The following RPH3AL variants were observed in gnomAD, a reference collection of about 807,000 sequenced individuals.
The protein encoded by RPH3AL is rab effector Noc2.
A neutral mutation model predicts 43.1 loss-of-function variants in RPH3AL; 38 were observed. The observed-to-expected ratio is 0.88, with a 90% CI of 0.68 to 1.15. The LOEUF (loss-of-function observed/expected upper bound fraction) is 1.15. Ranked by LOEUF, RPH3AL falls within the 50% of genes most tolerant of loss-of-function variation. RPH3AL has a pLI of 0.00. For missense variants in RPH3AL, 462 were observed against 423.2 expected (o/e 1.09, Z -0.81); for synonymous variants, 189 against 176.3 (o/e 1.07, Z -0.57).
intron 6 of RPH3AL, among the ~76,000 whole-genome samples, chr17:281,506 G>A (rs12949507): frequency 0.55 from 83,990 of 151,364 alleles, 25,662 homozygotes; most frequent in Non-Finnish European, 0.68. Context: ...CCGAAACCTC[G>A]GACTCTCCCA....
At position 215,657 on chromosome 17, in the gene RPH3AL, G is replaced by C. The variant is rs2040779576; in HGVS notation, c.873C>G (p.Ala291=). Residue 291 remains alanine (A), a synonymous_variant, in exon 9 of 10, where the codon GCC becomes GCG. Coordinates refer to ENST00000331302, the MANE Select transcript of RPH3AL (RefSeq NM_006987.4). The surrounding 1 kb of genome is among the most constrained non-coding windows in gnomAD (Gnocchi z 4.1). ...GGPRPGLTRR[A]PVKDTPGRAP... ...AAGGCAGCAGTTGGGTACTCACCGG[G>C]GCCCTTCGGGTCAGCCCGGGGCGGG... 11 of 1,278,920 alleles carry C rather than the reference G, an allele frequency of 8.6e-6. No homozygotes were observed. In the Admixed American group the frequency reaches 4.5e-4, roughly 52 times the overall value. The allele number at this position is 1,278,920 out of a possible 1,614,324, so 79.2% of individuals were successfully genotyped here.
At chr17:351,974 G>A (rs142520718) in intron 1 of RPH3AL, among the ~76,000 whole-genome samples, 11 of 152,304 alleles carry the variant, frequency 7.2e-5, no homozygotes, top group African/African-American at 2.2e-4. Flanking sequence ...TACAGGCCGT[G>A]CTTACATCCT....
At chr17:325,302 G>C (rs922634587) in intron 3 of RPH3AL, among the ~76,000 whole-genome samples, 1 of 152,100 alleles carries the variant, frequency 6.6e-6, no homozygotes, top group African/African-American at 2.4e-5. Context: ...ACATTATTAC[G>C]AGACAACATG....
intron 1 of RPH3AL, among the ~76,000 whole-genome samples, chr17:351,515 C>G (rs1273831601): frequency 6.6e-6 from 1 of 151,996 alleles, no homozygotes; most frequent in African/African-American, 2.4e-5. Context: ...AAGTACAGAC[C>G]CACCTCCCAT....
chr17:317,341 C>T (rs1250994359), intron 5 of RPH3AL, among the ~76,000 whole-genome samples: 2 of 151,402 alleles, frequency 1.3e-5, no homozygotes, highest in African/African-American at 4.9e-5. Context: ...CTCCATTGAC[C>T]TGAAGTCCCT....
At chr17:233,193 G>T (rs1221350861) in intron 7 of RPH3AL, among the ~76,000 whole-genome samples, 3 of 152,090 alleles carry the variant, frequency 2.0e-5, no homozygotes, top group African/African-American at 7.2e-5. Context: ...ATGGGGCTGG[G>T]CTTTCCAGTA....
At chr17:281,283 A>G (rs1414116757) in intron 6 of RPH3AL, among the ~76,000 whole-genome samples, 1 of 151,832 alleles carries the variant, frequency 6.6e-6, no homozygotes, top group African/African-American at 2.4e-5. Context: ...AGGTTATTTA[A>G]CCTCTTGTGT....
At chr17:239,957 G>A (rs1700247491) in intron 7 of RPH3AL, among the ~76,000 whole-genome samples, 2 of 152,132 alleles carry the variant, frequency 1.3e-5, no homozygotes, top group Non-Finnish European at 2.9e-5. Flanking sequence ...GAGTTTTTTG[G>A]CCAGGTGCAG....
intron 5 of RPH3AL, among the ~76,000 whole-genome samples, chr17:297,463 G>A (rs575773156): frequency 5.3e-5 from 8 of 152,182 alleles, no homozygotes; most frequent in Non-Finnish European, 1.2e-4. Flanking sequence ...TCCTGGGACC[G>A]AGCCCTCGTC....
At position 213,897 on chromosome 17, in the gene RPH3AL, G is replaced by A. The variant is rs138540198; in HGVS notation, c.903C>T (p.Pro301=). 4.8e-5 allele frequency: 78 copies of A among 1,613,352 alleles called. No individual in the cohort carries two copies. The highest frequency in any genetic ancestry group is 4.0e-4 in the East Asian group (18 of 44,890). The part of the protein sequence containing the change: ...APVKDTPGRA[P]AADAAPAGPS... ...GGCCTGCTGGAGCTGCGTCAGCAGC[G>A]GGGGCTCGTCCAGGTGTGTCTTTTA... The change falls in exon 10 of 10, where the codon CCC becomes CCT. Residue 301 remains proline, a synonymous_variant. Coordinates refer to ENST00000331302, the MANE Select transcript of RPH3AL (RefSeq NM_006987.4).
chr17:313,758 C>T (rs2043718161), intron 5 of RPH3AL, among the ~76,000 whole-genome samples: 1 of 152,174 alleles, frequency 6.6e-6, no homozygotes, highest in South Asian at 2.1e-4. Context: ...AGGGCTTGCA[C>T]ACAATGGGCT....
At chr17:336,640 G>A (rs1475936354) in intron 1 of RPH3AL, among the ~76,000 whole-genome samples, 2 of 152,182 alleles carry the variant, frequency 1.3e-5, no homozygotes, top group African/African-American at 2.4e-5. Flanking sequence ...TTACAGCCCA[G>A]GTCAGGCCGT....
rs2042605115 is a variant in RPH3AL at position 274,346 on chromosome 17, C to T, written c.438+7422G>A. ...GCCTCGCCTGCCCACCTGGGCCTCG[C>T]CTGCCTGGCTGGAGTAGGGGCAGCA... On this transcript the variant is annotated intron_variant, in intron 6 of 9. Coordinates refer to ENST00000331302, the MANE Select transcript of RPH3AL (RefSeq NM_006987.4). This position sits in a 1 kb window ranked among gnomAD's most constrained non-coding sequence, Gnocchi z 4.7. Among the ~76,000 whole-genome samples, 1 of 152,198 alleles carries T rather than the reference C, an allele frequency of 6.6e-6. No homozygotes were observed. The highest frequency in any genetic ancestry group is 6.5e-5 in the Admixed American group (1 of 15,288).
Position 246,563 on chromosome 17 carries a change from G to A in RPH3AL, c.613+548C>T, listed in dbSNP as rs1555540060. Among the ~76,000 whole-genome samples, 1 of 152,068 alleles carries A rather than the reference G, an allele frequency of 6.6e-6. No homozygotes were observed. Among genetic ancestry groups the A allele is most frequent in the Non-Finnish European group, 1.5e-5 (1 of 68,020 alleles). ...AAGCATCATGAAAGCTGCGGAGAAC[G>A]GTCCACAACCAGGCGCCCCCATCGT... is the stretch of plus-strand genomic sequence containing the variant. On this transcript the variant is annotated intron_variant, in intron 7 of 9. Coordinates refer to ENST00000331302, the MANE Select transcript of RPH3AL (RefSeq NM_006987.4). The surrounding 1 kb of genome is among the most constrained non-coding windows in gnomAD (Gnocchi z 4.8).
intron 7 of RPH3AL, among the ~76,000 whole-genome samples, chr17:229,529 G>T (rs372270917): frequency 3.3e-5 from 5 of 152,204 alleles, no homozygotes; most frequent in Non-Finnish European, 7.3e-5. Context: ...CAGGACAAGC[G>T]CTGGGCAAGC....
intron 3 of RPH3AL, among the ~76,000 whole-genome samples, chr17:324,641 C>G (rs1463499943): frequency 1.3e-5 from 2 of 151,630 alleles, no homozygotes; most frequent in East Asian, 3.9e-4. Flanking sequence ...TCTCCCTAAA[C>G]CTTCTGTCCA....
At chr17:309,452 T>TGTCC in intron 5 of RPH3AL, among the ~76,000 whole-genome samples, 1 of 137,332 alleles carries the variant, frequency 7.3e-6, no homozygotes, top group African/African-American at 2.7e-5. Flanking sequence ...ATACGGCACA[T>TGTCC]CCCTTGTCCA....
rs572424880 is a variant in RPH3AL, at chr17:332,911, A to G, written c.-37+848T>C. 58 of 849,166 alleles carry G rather than the reference A, an allele frequency of 6.8e-5. No homozygotes were observed. The South Asian group carries it at 8.8e-4, about 13-fold the overall frequency. 52.6% of individuals were successfully genotyped at this position (849,166 alleles called of 1,614,324 possible). A position where few individuals can be genotyped will look rare whatever the true frequency, so the allele number is the denominator to read the frequency against. ...CGGAACCCTTGTAAAACCCCGCAGT[A>G]CAGGGACTAGGAGGACCCGAGGGGT... is the stretch of plus-strand genomic sequence containing the variant. On this transcript the variant is annotated intron_variant, in intron 2 of 9. Transcript: ENST00000331302.
chr17:335,536 G>A (rs899908915), intron 1 of RPH3AL, among the ~76,000 whole-genome samples: 4 of 152,116 alleles, frequency 2.6e-5, no homozygotes, highest in African/African-American at 2.4e-5. Context: ...AATGGTGGTC[G>A]TGAGCCCCCA....
Sources: gnomAD v4.1 joint callset for allele counts (sites outside exome capture counted in the v4.1 genomes callset) on GRCh38, gnomAD v4.1.1 for gene constraint, Gnocchi (gnomAD v3.1) non-coding constraint, MANE v1.5 for transcripts, NCBI Gene and HGNC (gene_info 2026-07-23, HGNC 2026-07-21) for gene names.